Variants in TBC1D9 observed in about 807,000 individuals in gnomAD.
TBC1D9 encodes TBC1 domain family member 9, also known as TBC1 domain family member 9A.
In TBC1D9, 63 loss-of-function variants were observed where a neutral mutation model predicts 132.0. The observed-to-expected ratio is 0.48, with a 90% CI of 0.39 to 0.59. The LOEUF (loss-of-function observed/expected upper bound fraction) is 0.59, where lower values mean the gene tolerates loss of function less well. Among genes scored for constraint, TBC1D9 ranks in the 20% least tolerant of loss-of-function variants. The probability of loss-of-function intolerance (pLI) is 0.00; values close to 1 mark genes in which losing one functional copy is unlikely to be tolerated. For missense variants in TBC1D9, 1,261 were observed against 1,592.7 expected (o/e 0.79, Z 3.54); for synonymous variants, 610 against 609.9 (o/e 1.00, Z 0.00).
intron 3 of TBC1D9, among the ~76,000 whole-genome samples, chr4:140,682,040 A>T (rs181563072): frequency 2.3e-4 from 35 of 152,344 alleles, no homozygotes; most frequent in Non-Finnish European, 4.3e-4. Flanking sequence ...GATGTTCAAT[A>T]TTACTAAATG....
intron 15 of TBC1D9, among the ~76,000 whole-genome samples, chr4:140,635,970 G>C (rs1191659844): frequency 6.6e-6 from 1 of 152,174 alleles, no homozygotes; most frequent in Non-Finnish European, 1.5e-5. Context: ...TATATTCCGG[G>C]AGGGAACCCC....
At chr4:140,690,574 G>T (rs938198032) in intron 2 of TBC1D9, among the ~76,000 whole-genome samples, 1 of 152,006 alleles carries the variant, frequency 6.6e-6, no homozygotes, top group Admixed American at 6.6e-5. Context: ...CCAGCCACTC[G>T]CTGCTCCCAT....
At chr4:140,746,684 G>C (rs1268788337) in intron 1 of TBC1D9, among the ~76,000 whole-genome samples, 2 of 152,144 alleles carry the variant, frequency 1.3e-5, no homozygotes, top group Admixed American at 1.3e-4. Flanking sequence ...CCAAGCGAAA[G>C]GGGTTTCCCC....
Position 140,634,131 on chromosome 4 carries a change from C to T in TBC1D9, c.2563G>A (p.Asp855Asn), listed in dbSNP as rs1306960416. Residue 855 changes from aspartate (D) to asparagine (N), a missense_variant, in exon 16 of 21, where the codon GAC (aspartate) becomes AAC (asparagine). This residue lies in a region of TBC1D9 where 618 missense variants were observed against 724.4 expected (regional missense o/e 0.85). Coordinates refer to ENST00000442267, the MANE Select transcript of TBC1D9 (RefSeq NM_015130.3). ...GGSSNALDRHDPSLPYLEQYR... is the reference protein window; with the variant it reads ...GGSSNALDRHNPSLPYLEQYR... ...TGTTCCAGGTAGGGCAGGCTGGGGT[C>T]ATGCCGGTCCAGCGCGTTGCTGCTC... The T allele has an allele frequency of 4.3e-6, 7 of 1,613,964 alleles. No homozygotes were observed. Among genetic ancestry groups the T allele is most frequent in the Non-Finnish European group, 5.9e-6 (7 of 1,179,890 alleles).
chr4:140,684,995 A>C (rs1201797179), intron 3 of TBC1D9, among the ~76,000 whole-genome samples: 2 of 152,124 alleles, frequency 1.3e-5, no homozygotes, highest in Non-Finnish European at 2.9e-5. Flanking sequence ...ATAATCGATA[A>C]ATAATAAATA....
At chr4:140,754,614 CAA>C (rs34471976) in intron 1 of TBC1D9, among the ~76,000 whole-genome samples, 33 of 23,246 alleles carry the variant, frequency 1.4e-3, no homozygotes, top group African/African-American at 2.9e-3. Flanking sequence ...GACTCTGTCT[CAA>C]AAAAAAAAAA....
intron 2 of TBC1D9, among the ~76,000 whole-genome samples, chr4:140,694,607 A>C (rs2111033215): frequency 6.6e-6 from 1 of 150,424 alleles, no homozygotes; most frequent in Non-Finnish European, 1.5e-5. Context: ...AATTGATGGT[A>C]TGGAAATACA....
intron 2 of TBC1D9, among the ~76,000 whole-genome samples, chr4:140,692,263 G>C (rs761251931): frequency 3.9e-5 from 6 of 152,170 alleles, no homozygotes; most frequent in Non-Finnish European, 7.4e-5. Context: ...AACTGACCTA[G>C]TATTTTCAGA....
intron 1 of TBC1D9, chr4:140,715,744 C>T (rs576498860): frequency 1.3e-5 from 2 of 152,240 alleles, no homozygotes; most frequent in African/African-American, 4.8e-5. Flanking sequence ...TTTCGTGGAA[C>T]CTCATCACTT....
intron 11 of TBC1D9, 143 bp from the exon 12 acceptor site, chr4:140,657,955 G>T (rs1578828219): frequency 1.1e-6 from 1 of 897,494 alleles, no homozygotes; most frequent in Admixed American, 2.6e-5. Flanking sequence ...CTAGACCAAG[G>T]TGTCAACACA....
intron 1 of TBC1D9, among the ~76,000 whole-genome samples, chr4:140,743,209 T>C (rs1738787257): frequency 6.6e-6 from 1 of 152,216 alleles, no homozygotes. Flanking sequence ...GAAAATGTAA[T>C]GTCTCTGTAA....
chr4:140,694,156 T>C (rs553511190), intron 2 of TBC1D9, among the ~76,000 whole-genome samples: 9 of 152,330 alleles, frequency 5.9e-5, no homozygotes, highest in Admixed American at 1.3e-4. Context: ...GCAAAGATTT[T>C]GTTGGGAGAA....
chr4:140,657,960 A>G, intron 11 of TBC1D9, 148 bp from the exon 12 acceptor site: 1 of 851,248 alleles, frequency 1.2e-6, no homozygotes, highest in Non-Finnish European at 1.8e-6. Flanking sequence ...CCAAGGTGTC[A>G]ACACAGCTCA....
chr4:140,644,430 G>T, intron 13 of TBC1D9: 1 of 296,362 alleles, frequency 3.4e-6, no homozygotes. Context: ...GGCGGCCATG[G>T]GGGACGCGCG....
chr4:140,622,406 G>T lies in TBC1D9; in HGVS notation c.3590C>A (p.Ala1197Glu). ...CAGGCTGGTGCTCCGGGGCAGTGCC[G>T]CCGTGCCCTGGCCGCTCCGCACCAG... ...TVLVRSGQGT[A>E]ALPRSTSLDR... Residue 1197 changes from alanine to glutamate, a missense_variant, in exon 21 of 21, where the codon GCG (alanine) becomes GAG (glutamate). By Grantham distance (107) the Ala-to-Glu change is moderately radical. Coordinates refer to ENST00000442267, the MANE Select transcript of TBC1D9 (RefSeq NM_015130.3). The T allele has an allele frequency of 6.2e-7, 1 of 1,612,784 alleles. No individual in the cohort carries two copies. The highest frequency in any genetic ancestry group is 8.5e-7 in the Non-Finnish European group (1 of 1,179,088).
intron 10 of TBC1D9, 129 bp from the exon 11 acceptor site, chr4:140,659,834 G>A: frequency 3.1e-6 from 2 of 643,932 alleles, no homozygotes; most frequent in South Asian, 2.1e-5. Context: ...AGATAAATAT[G>A]TTTAGGCTTT....
rs1356576883 is a variant in TBC1D9, at chr4:140,621,539, T to A, written c.*656A>T. The A allele has an allele frequency of 1.3e-5, 2 of 152,226 alleles. No homozygotes were observed. The highest frequency in any genetic ancestry group is 2.9e-5 in the Non-Finnish European group (2 of 68,026). The allele number at this position is 152,226 out of a possible 1,614,324, so 9.4% of individuals were successfully genotyped here. A position where few individuals can be genotyped will look rare whatever the true frequency, so the allele number is the denominator to read the frequency against. ...AAAATTGGTCTGGTATCTGTCTAAA[T>A]TGGTCAATACAAGTGTTATTCTGGA... On this transcript the variant is annotated 3_prime_UTR_variant, in exon 21 of 21. Transcript: ENST00000442267.
At position 140,669,152 on chromosome 4, in the gene TBC1D9, C is replaced by T. The variant is rs1222226809; in HGVS notation, c.1438-85G>A. The stretch of plus-strand genomic sequence containing the variant: ...GTGATGGAAGGTCAGAACATGTTCC[C>T]TGCTGAACGGAGTGACAATTCCAGA... On this transcript the variant is annotated intron_variant, in intron 8 of 20. Transcript: ENST00000442267. 2.3e-6 allele frequency: 3 copies of T among 1,331,734 alleles called. No individual in the cohort carries two copies. The Admixed American group carries it at 6.6e-5, about 29-fold the overall frequency. The allele number at this position is 1,331,734 out of a possible 1,614,324, so 82.5% of individuals were successfully genotyped here.
chr4:140,663,647 T>C (rs1737399542), intron 9 of TBC1D9, among the ~76,000 whole-genome samples: 1 of 152,036 alleles, frequency 6.6e-6, no homozygotes, highest in South Asian at 2.1e-4. Flanking sequence ...TAAATACCCA[T>C]TAAGAGATGA....
Sources: allele counts gnomAD v4.1 joint callset (sites outside exome capture counted in the v4.1 genomes callset), GRCh38; gene constraint gnomAD v4.1.1; regional missense constraint gnomAD v4.1.1; transcripts MANE v1.5; gene names NCBI Gene and HGNC (gene_info 2026-07-23, HGNC 2026-07-21).